The following SGCG variants were observed in gnomAD, a reference collection of about 807,000 sequenced individuals.
SGCG encodes gamma-sarcoglycan.
A neutral mutation model predicts 29.3 loss-of-function variants in SGCG; 26 were observed. That is an observed-to-expected ratio of 0.89 (90% confidence interval 0.65 to 1.23). SGCG has a LOEUF of 1.23. Among genes scored for constraint, SGCG ranks in the 50% most tolerant of loss-of-function variants. The pLI is 0.00. For missense variants in SGCG, 353 were observed against 356.0 expected (o/e 0.99, Z 0.07); for synonymous variants, 145 against 129.7 (o/e 1.12, Z -0.80).
chr13:23,282,107 T>C (rs766741374), intron 5 of SGCG, among the ~76,000 whole-genome samples: 1 of 152,218 alleles, frequency 6.6e-6, no homozygotes, highest in Non-Finnish European at 1.5e-5. Context: ...CTAGTTCTTA[T>C]TGCCAGAGAC....
Position 23,324,742 on chromosome 13 carries a change from A to G in SGCG, c.*201A>G. ...AAAATGCACGTGGATGTGAGACACA[A>G]AAGTTGACAAAATGGAAAAGCAATG... On this transcript the variant is annotated 3_prime_UTR_variant, in exon 8 of 8. Transcript: ENST00000218867. 2 of 590,572 alleles carry G rather than the reference A, an allele frequency of 3.4e-6. No individual in the cohort carries two copies. Among genetic ancestry groups the G allele is most frequent in the Non-Finnish European group, 3.0e-6 (1 of 329,536 alleles). 36.6% of individuals were successfully genotyped at this position (590,572 alleles called of 1,614,324 possible).
At chr13:23,206,941 A>AT (rs1355248340) in intron 2 of SGCG, among the ~76,000 whole-genome samples, 4 of 152,212 alleles carry the variant, frequency 2.6e-5, no homozygotes, top group African/African-American at 9.6e-5. Flanking sequence ...CCAATGTTAT[A>AT]TTTTTTACAG....
chr13:23,234,621 G>A lies in SGCG; in HGVS notation c.206G>A (p.Gly69Asp). ...KVMWFSPAGM[G>D]HLCVTKDGLR... ...TTTTTTTTTTAACAGGCAGGAATGG[G>A]CCACTTGTGTGTAACAAAAGATGGA... The change falls in exon 3 of 8, where the codon GGC becomes GAC. Residue 69 changes from glycine to aspartate, a missense_variant. Coordinates refer to ENST00000218867, the MANE Select transcript of SGCG (RefSeq NM_000231.3). 6.2e-7 allele frequency: 1 copy of A among 1,608,978 alleles called. No homozygotes were observed. Among genetic ancestry groups the A allele is most frequent in the African/African-American group, 1.3e-5 (1 of 74,768 alleles).
At chr13:23,205,825 T>C (rs564380778) in intron 2 of SGCG, among the ~76,000 whole-genome samples, 1 of 152,260 alleles carries the variant, frequency 6.6e-6, no homozygotes, top group South Asian at 2.1e-4. Flanking sequence ...TGTTGCTAAT[T>C]GGTAGCGAGT....
In SGCG at chr13:23,284,179, G is replaced by C. The variant is rs573120329; in HGVS notation, c.505+4701G>C. On this transcript the variant is annotated intron_variant, in intron 5 of 7. Transcript: ENST00000218867. ...CTTGCTAGTTTGGGGAAGTTCTCCT[G>C]GATAATATCCTGAAGAGTGTTTTCC... 1.8e-4 allele frequency among the ~76,000 whole-genome samples: 27 copies of C among 152,200 alleles called. No individual in the cohort carries two copies. In the South Asian group the frequency reaches 5.6e-3, roughly 32 times the overall value.
intron 2 of SGCG, among the ~76,000 whole-genome samples, chr13:23,219,489 G>C (rs1878571280): frequency 1.3e-5 from 2 of 152,120 alleles, no homozygotes; most frequent in Admixed American, 6.5e-5. Context: ...TTTATTTATA[G>C]CTGCGGTAGT....
rs941033569 is a variant in SGCG at position 23,295,613 on chromosome 13, G to A, written c.578+126G>A. 7.8e-6 allele frequency: 6 copies of A among 768,794 alleles called. No homozygotes were observed. In the African/African-American group the frequency reaches 1.0e-4, roughly 13 times the overall value. The allele number at this position is 768,794 out of a possible 1,614,324, so 47.6% of individuals were successfully genotyped here. ...TTTCATCAGTTGCCTTTATTTTCAA[G>A]ACTTTCCGCTTATAACTAGATAGTA... On this transcript the variant is annotated intron_variant, in intron 6 of 7. Transcript: ENST00000218867.
At chr13:23,317,219 A>G (rs757326463) in intron 6 of SGCG, among the ~76,000 whole-genome samples, 40 of 152,150 alleles carry the variant, frequency 2.6e-4, no homozygotes, top group Non-Finnish European at 4.9e-4. Context: ...AAATCAGTCT[A>G]CTACACCACA....
intron 1 of SGCG, among the ~76,000 whole-genome samples, chr13:23,184,293 T>G (rs1876879495): frequency 6.6e-6 from 1 of 152,216 alleles, no homozygotes; most frequent in South Asian, 2.1e-4. Flanking sequence ...TTCTTAAAAT[T>G]TTAATTTAAT....
At position 23,250,655 on chromosome 13, in the gene SGCG, C is replaced by A. The variant is rs1566017168; in HGVS notation, c.323C>A (p.Thr108Asn). 1 of 1,612,076 alleles carries A rather than the reference C, an allele frequency of 6.2e-7. No homozygotes were observed. The highest frequency in any genetic ancestry group is 8.5e-7 in the Non-Finnish European group (1 of 1,178,204). ...RVDSSLLLQS[T>N]QNVTVNARNS... ...GACTCATCTCTGCTTCTACAATCAA[C>A]CCAGAATGTGACTGTAAATGCGCGC... The change falls in exon 4 of 8, where the codon ACC (threonine) becomes AAC (asparagine). Residue 108 changes from threonine (T) to asparagine (N), a missense_variant. Physicochemically the swap from Thr to Asn is moderately conservative, Grantham distance 65 (BLOSUM62 0). Coordinates refer to ENST00000218867, the MANE Select transcript of SGCG (RefSeq NM_000231.3).
At position 23,313,590 on chromosome 13, in the gene SGCG, T is replaced by C. The variant is rs1882686898; in HGVS notation, c.579-7047T>C. Among the ~76,000 whole-genome samples, 3 of 152,248 alleles carry C rather than the reference T, an allele frequency of 2.0e-5. No individual in the cohort carries two copies. The South Asian group carries it at 6.2e-4, about 32-fold the overall frequency. On this transcript the variant is annotated intron_variant, in intron 6 of 7. Transcript: ENST00000218867. Reference sequence around the variant, plus strand: ...TATGGGGTAAACTTTGGAAAATTACTGACTTCTATTTATTTTTATTTAAAA... The same window carrying C: ...TATGGGGTAAACTTTGGAAAATTACCGACTTCTATTTATTTTTATTTAAAA...
intron 4 of SGCG, among the ~76,000 whole-genome samples, chr13:23,257,884 C>T (rs1593201803): frequency 6.6e-6 from 1 of 152,262 alleles, no homozygotes; most frequent in South Asian, 2.1e-4. Flanking sequence ...TCTGAGGCCT[C>T]TGTTCTGTTC....
In SGCG at chr13:23,295,385, G is replaced by A. The variant is rs766550872; in HGVS notation, c.506-30G>A. On this transcript the variant is annotated intron_variant, in intron 5 of 7. Coordinates refer to ENST00000218867, the MANE Select transcript of SGCG (RefSeq NM_000231.3). ...GTTTGGTGTCACTTATTTTACTTCT[G>A]CTCCTGATACATCTTTGTTTTTTGT... is the stretch of plus-strand genomic sequence containing the variant. The A allele has an allele frequency of 6.6e-6, 10 of 1,513,512 alleles. No individual in the cohort carries two copies. In the South Asian group the frequency reaches 1.0e-4, roughly 15 times the overall value. The allele number at this position is 1,513,512 out of a possible 1,614,324, so 93.8% of individuals were successfully genotyped here.
At chr13:23,194,271 G>A (rs1167373797) in intron 1 of SGCG, among the ~76,000 whole-genome samples, 2 of 152,180 alleles carry the variant, frequency 1.3e-5, no homozygotes, top group Non-Finnish European at 2.9e-5. Context: ...GTTGGTAGAA[G>A]GTGTTCTTAC....
intron 6 of SGCG, among the ~76,000 whole-genome samples, chr13:23,317,181 T>A (rs1248198217): frequency 6.8e-6 from 1 of 147,466 alleles, no homozygotes. Flanking sequence ...GGCAACAGAG[T>A]GAGACTCCGT....
At chr13:23,323,237 G>C (rs752151677) in intron 7 of SGCG, among the ~76,000 whole-genome samples, 1 of 152,144 alleles carries the variant, frequency 6.6e-6, no homozygotes, top group East Asian at 1.9e-4. Context: ...CAAGAATGAG[G>C]CGTTAGATAA....
chr13:23,293,690 G>A (rs1389589092), intron 5 of SGCG, among the ~76,000 whole-genome samples: 3 of 152,072 alleles, frequency 2.0e-5, no homozygotes, highest in African/African-American at 4.8e-5. Flanking sequence ...ATATTAGCCG[G>A]GTGTGGTGGT....
intron 4 of SGCG, among the ~76,000 whole-genome samples, chr13:23,256,949 G>A (rs142672529): frequency 0.037 from 5,562 of 152,196 alleles, 365 homozygotes; most frequent in African/African-American, 0.13. Context: ...CTGAGGAATC[G>A]CCACACTCTC....
At chr13:23,215,294 G>A (rs1878383348) in intron 2 of SGCG, among the ~76,000 whole-genome samples, 3 of 152,120 alleles carry the variant, frequency 2.0e-5, no homozygotes. Context: ...ATATGAAACT[G>A]TTAATGTCTT....
Sources: gnomAD v4.1 joint callset for allele counts (sites outside exome capture counted in the v4.1 genomes callset) on GRCh38, gnomAD v4.1.1 for gene constraint, MANE v1.5 for transcripts, NCBI Gene and HGNC (gene_info 2026-07-23, HGNC 2026-07-21) for gene names.